Variants in KLHL3 observed in about 807,000 individuals in gnomAD.
KLHL3 encodes the protein kelch-like protein 3.
Under a neutral mutation model 70.5 loss-of-function variants are expected in KLHL3, and 19 were observed. The observed-to-expected ratio is 0.27, with a 90% CI of 0.19 to 0.40. KLHL3 has a LOEUF of 0.40. Among genes scored for constraint, KLHL3 ranks in the 10% least tolerant of loss-of-function variants. KLHL3 has a pLI of 1.00. For synonymous variants in KLHL3, 258 were observed against 290.3 expected (o/e 0.89, Z 1.13); for missense variants, 512 against 771.1 (o/e 0.66, Z 3.98).
At position 137,709,606 on chromosome 5, in the gene KLHL3, A is replaced by G. The variant is rs1401566536; in HGVS notation, c.241+144T>C. Reference sequence around the variant, plus strand: ...TTCCATCAAGTCCTCCATGGCACAAAGCACACTATCTGGCGTAGAGAAGCC... The same window carrying G: ...TTCCATCAAGTCCTCCATGGCACAAGGCACACTATCTGGCGTAGAGAAGCC... On this transcript the variant is annotated intron_variant, in intron 3 of 14. Coordinates refer to ENST00000309755, the MANE Select transcript of KLHL3 (RefSeq NM_017415.3). 4 of 665,992 alleles carry G rather than the reference A, an allele frequency of 6.0e-6. No individual in the cohort carries two copies. In the African/African-American group the frequency reaches 7.2e-5, roughly 12 times the overall value. The allele number at this position is 665,992 out of a possible 1,614,324, so 41.3% of individuals were successfully genotyped here.
chr5:137,673,263 T>G (rs1306331997), intron 6 of KLHL3, among the ~76,000 whole-genome samples: 1 of 152,182 alleles, frequency 6.6e-6, no homozygotes, highest in Admixed American at 6.5e-5. Flanking sequence ...GCATGCATTT[T>G]ACAAGCAGTT....
At chr5:137,703,384 C>T (rs1049277098) in intron 3 of KLHL3, among the ~76,000 whole-genome samples, 88 of 152,320 alleles carry the variant, frequency 5.8e-4, no homozygotes, top group African/African-American at 2.1e-3. Context: ...GGGCTGCCAA[C>T]TCATTTGGCT....
chr5:137,654,125 G>GGAAACTTTT (rs1403094380), intron 8 of KLHL3, among the ~76,000 whole-genome samples: 6 of 152,290 alleles, frequency 3.9e-5, no homozygotes, highest in Admixed American at 2.6e-4. Context: ...AGCAGCACAT[G>GGAAACTTTT]GAAACTTTTT....
intron 3 of KLHL3, among the ~76,000 whole-genome samples, chr5:137,707,930 C>T (rs1409337531): frequency 6.6e-6 from 1 of 152,172 alleles, no homozygotes; most frequent in Non-Finnish European, 1.5e-5. Context: ...ACTTTCCAAA[C>T]TCCACACACA....
chr5:137,628,317 T>G lies in KLHL3; in HGVS notation c.1571A>C (p.Asn524Thr), dbSNP rs370212337. ...ATTACCTGCGTTGCGCCGGCACATG[T>G]TCATGTCTGCCACTTGCTTCCAGGT... ...TNTWKQVADM[N>T]MCRRNAGVCA... is the part of the protein sequence containing the mutation. The change falls in exon 13 of 15, where the codon AAC (asparagine) becomes ACC (threonine). Residue 524 changes from asparagine to threonine, a missense_variant. Physicochemically the swap from Asn to Thr is moderately conservative, Grantham distance 65 (BLOSUM62 0). Transcript: ENST00000309755. 104 of 1,613,984 alleles carry G rather than the reference T, an allele frequency of 6.4e-5. No homozygotes were observed. The highest frequency in any genetic ancestry group is 8.2e-5 in the Non-Finnish European group (97 of 1,180,018).
At chr5:137,654,226 T>G (rs1050335702) in intron 8 of KLHL3, among the ~76,000 whole-genome samples, 8 of 152,214 alleles carry the variant, frequency 5.3e-5, no homozygotes, top group Non-Finnish European at 1.2e-4. Context: ...CTCTAAAAAG[T>G]GTGAATTTTA....
chr5:137,696,335 T>TG (rs10711205), intron 4 of KLHL3, among the ~76,000 whole-genome samples: 5 of 151,988 alleles, frequency 3.3e-5, no homozygotes, highest in South Asian at 2.1e-4. Flanking sequence ...GGAAAAGAGG[T>TG]GGGGGGGTAT....
At chr5:137,658,405 C>T in intron 7 of KLHL3, 125 bp from the exon 8 acceptor site, 1 of 912,084 alleles carries the variant, frequency 1.1e-6, no homozygotes, top group Non-Finnish European at 1.8e-6. Flanking sequence ...TCATCTCAGA[C>T]CCAAAGAGTT....
rs886059962 is a variant in KLHL3 at position 137,735,990 on chromosome 5, C to A, written c.-344G>T. 120 of 419,826 alleles carry A rather than the reference C, an allele frequency of 2.9e-4. No homozygotes were observed. The highest frequency in any genetic ancestry group is 2.2e-3 in the Middle Eastern group (3 of 1,388). 26.0% of individuals were successfully genotyped at this position (419,826 alleles called of 1,614,324 possible). ...CAGCTCCAGCGACCCAGGTGCACTG[C>A]CACCTTTCCAGCTTCCTCTGCATCT... is the stretch of plus-strand genomic sequence containing the variant. On this transcript the variant is annotated 5_prime_UTR_variant, in exon 1 of 15. Coordinates refer to ENST00000309755, the MANE Select transcript of KLHL3 (RefSeq NM_017415.3).
At chr5:137,707,814 T>C (rs1752714872) in intron 3 of KLHL3, among the ~76,000 whole-genome samples, 1 of 152,144 alleles carries the variant, frequency 6.6e-6, no homozygotes, top group African/African-American at 2.4e-5. Flanking sequence ...ATCACTTTGG[T>C]TTTGCTATGA....
intron 1 of KLHL3, among the ~76,000 whole-genome samples, chr5:137,721,681 C>T (rs1752999950): frequency 1.3e-5 from 2 of 152,224 alleles, no homozygotes; most frequent in South Asian, 2.1e-4. Context: ...TGGCTCATGC[C>T]TGTAGTCCCA....
chr5:137,693,945 T>G (rs1267721242), intron 4 of KLHL3, among the ~76,000 whole-genome samples: 1 of 152,120 alleles, frequency 6.6e-6, no homozygotes, highest in African/African-American at 2.4e-5. Flanking sequence ...CTCATCACTT[T>G]TATGTACTCA....
chr5:137,729,056 G>A (rs1464743232), intron 1 of KLHL3, among the ~76,000 whole-genome samples: 1 of 152,126 alleles, frequency 6.6e-6, no homozygotes, highest in East Asian at 1.9e-4. Flanking sequence ...GTAGAGGGAA[G>A]GAAAGTGGAG....
intron 2 of KLHL3, among the ~76,000 whole-genome samples, chr5:137,719,499 C>A (rs1430209819): frequency 6.6e-6 from 1 of 152,234 alleles, no homozygotes; most frequent in Non-Finnish European, 1.5e-5. Context: ...AGCTTCTGAG[C>A]TCTCTGGTAA....
chr5:137,654,049 C>T (rs1471740781), intron 8 of KLHL3, among the ~76,000 whole-genome samples: 1 of 152,118 alleles, frequency 6.6e-6, no homozygotes, highest in Non-Finnish European at 1.5e-5. Context: ...AAGGCAAAAC[C>T]ATAGGGACAG....
At chr5:137,643,121 C>T (rs1373109754) in intron 8 of KLHL3, among the ~76,000 whole-genome samples, 3 of 152,046 alleles carry the variant, frequency 2.0e-5, no homozygotes, top group Non-Finnish European at 4.4e-5. Flanking sequence ...GTGGCAGAGG[C>T]GGGTGGATCT....
rs191705475 is a variant in KLHL3 at position 137,681,525 on chromosome 5, A to C, written c.527-3871T>G. 5.3e-5 allele frequency among the ~76,000 whole-genome samples: 8 copies of C among 152,284 alleles called. No homozygotes were observed. In the East Asian group the frequency reaches 9.7e-4, roughly 18 times the overall value. On this transcript the variant is annotated intron_variant, in intron 5 of 14. Coordinates refer to ENST00000309755, the MANE Select transcript of KLHL3 (RefSeq NM_017415.3). ...ACCTAGGTGATGTCTTCATTCATCCAACAAAGGTTTGCTGAGCACTCCCTA... is the reference window on the plus strand; with the variant it reads ...ACCTAGGTGATGTCTTCATTCATCCCACAAAGGTTTGCTGAGCACTCCCTA...
At chr5:137,661,761 C>T in intron 7 of KLHL3, 154 bp downstream of exon 7, 1 of 568,934 alleles carries the variant, frequency 1.8e-6, no homozygotes, top group Non-Finnish European at 3.1e-6. Flanking sequence ...TTAAACTTTA[C>T]AACACCTAAC....
Position 137,639,207 on chromosome 5 carries a change from T to A in KLHL3, c.1022-57A>T. ...AGGTCAGGCGCATGACTGCTCATGT[T>A]GATGGATGGCAATGGAGGAGCAAGA... On this transcript the variant is annotated intron_variant, in intron 9 of 14. Coordinates refer to ENST00000309755, the MANE Select transcript of KLHL3 (RefSeq NM_017415.3). The surrounding 1 kb of genome is among the most constrained non-coding windows in gnomAD (Gnocchi z 5.0). 6.5e-7 allele frequency: 1 copy of A among 1,540,176 alleles called. No homozygotes were observed. Among genetic ancestry groups the A allele is most frequent in the South Asian group, 1.2e-5 (1 of 86,720 alleles).
Sources: allele counts gnomAD v4.1 joint callset (sites outside exome capture counted in the v4.1 genomes callset), GRCh38; gene constraint gnomAD v4.1.1; non-coding constraint Gnocchi (gnomAD v3.1); transcripts MANE v1.5; gene names NCBI Gene and HGNC (gene_info 2026-07-23, HGNC 2026-07-21).